The following OXTR variants were observed in gnomAD, a reference collection of about 807,000 sequenced individuals.
OXTR encodes oxytocin receptor.
Under a neutral mutation model 23.9 loss-of-function variants are expected in OXTR, and 19 were observed. The ratio of observed to expected loss-of-function variants is 0.80; its 90% CI spans 0.56 to 1.17. OXTR has a LOEUF of 1.17. OXTR is among the 50% of genes most tolerant of loss of function. OXTR has a pLI of 0.00. For synonymous variants in OXTR, 278 were observed against 250.5 expected (o/e 1.11, Z -1.04); for missense variants, 500 against 550.7 (o/e 0.91, Z 0.92).
chr3:8,745,500 G>C (rs944557927), downstream of OXTR: 1 of 1,588,222 alleles, frequency 6.3e-7, no homozygotes, highest in Non-Finnish European at 8.6e-7. The surrounding 1 kb of genome is among the most constrained non-coding windows in gnomAD (Gnocchi z 4.8). Flanking sequence ...TCTGTGAGTT[G>C]AGGCTTCCCC....
chr3:8,764,502 T>C (rs1057454527), intron 3 of OXTR, among the ~76,000 whole-genome samples: 2 of 152,212 alleles, frequency 1.3e-5, no homozygotes, highest in Admixed American at 1.3e-4. Context: ...GTAGCTCAAG[T>C]GTGGTTCTCT....
downstream of OXTR, among the ~76,000 whole-genome samples, chr3:8,748,047 T>C (rs553903470): frequency 2.2e-4 from 33 of 152,230 alleles, no homozygotes; most frequent in African/African-American, 6.7e-4. Flanking sequence ...GAAAATCACA[T>C]TGGGGTTATG....
chr3:8,768,381 G>A lies in OXTR; in HGVS notation c.-142-52C>T. On this transcript the variant is annotated intron_variant, in intron 2 of 3. Transcript: ENST00000316793. The surrounding 1 kb of genome is among the most constrained non-coding windows in gnomAD (Gnocchi z 5.4). Reference sequence around the variant, plus strand: ...GAGACCGCCGCGTTTCTCTTCCGACGCGGGTAGGGCGTGCTTGTCCCATTC... The same window carrying A: ...GAGACCGCCGCGTTTCTCTTCCGACACGGGTAGGGCGTGCTTGTCCCATTC... 1 of 878,922 alleles carries A rather than the reference G, an allele frequency of 1.1e-6. No individual in the cohort carries two copies. The highest frequency in any genetic ancestry group is 1.5e-6 in the Non-Finnish European group (1 of 674,500). The allele number at this position is 878,922 out of a possible 1,614,324, so 54.4% of individuals were successfully genotyped here.
intron 3 of OXTR, among the ~76,000 whole-genome samples, chr3:8,762,617 G>A (rs553305401): frequency 3.9e-5 from 6 of 152,158 alleles, no homozygotes; most frequent in Non-Finnish European, 4.4e-5. Flanking sequence ...CCCCTCCAAG[G>A]GGCCTGGTCC....
chr3:8,764,203 C>T (rs1184404806), intron 3 of OXTR, among the ~76,000 whole-genome samples: 2 of 139,832 alleles, frequency 1.4e-5, no homozygotes, highest in Non-Finnish European at 3.0e-5. Context: ...CTCTGGCAGC[C>T]TTGATGGGTG....
At chr3:8,746,097 C>T (rs1404643748), downstream of OXTR, 4 of 509,852 alleles carry the variant, frequency 7.8e-6, no homozygotes, top group African/African-American at 3.8e-5. Flanking sequence ...CATGCCTGGG[C>T]GTGGGGGAAG....
chr3:8,742,040 C>T, the OXTR span, among the ~76,000 whole-genome samples: 1 of 152,178 alleles, frequency 6.6e-6, no homozygotes, highest in Non-Finnish European at 1.5e-5. Context: ...CACCACCCTC[C>T]AAGAAAAAGC....
At position 8,768,298 on chromosome 3, in the gene OXTR, G is replaced by C. The variant is rs1258496345; in HGVS notation, c.-111C>G. The C allele has an allele frequency of 1.6e-6, 2 of 1,223,094 alleles. No individual in the cohort carries two copies. Among genetic ancestry groups the C allele is most frequent in the East Asian group, 3.4e-5 (1 of 29,342 alleles). The allele number at this position is 1,223,094 out of a possible 1,614,324, so 75.8% of individuals were successfully genotyped here. A position where few individuals can be genotyped will look rare whatever the true frequency, so the allele number is the denominator to read the frequency against. On this transcript the variant is annotated 5_prime_UTR_variant, in exon 3 of 4. Transcript: ENST00000316793. This position sits in a 1 kb window ranked among gnomAD's most constrained non-coding sequence, Gnocchi z 5.4. ...AGGGGCGCCCGGGGCTCCACTCCTG[G>C]AGACTCCACGGACGGATCTGCTGGG...
rs149333347 is a variant in OXTR at position 8,759,590 on chromosome 3, T to C, written c.923-6366A>G. On this transcript the variant is annotated intron_variant, in intron 3 of 3. Transcript: ENST00000316793. ...AATTTCCCTGCTCAACCACAGGATA[T>C]GGCCTCCCAGTAAGGTGACTGGACT... Among the ~76,000 whole-genome samples, 26 of 152,356 alleles carry C rather than the reference T, an allele frequency of 1.7e-4. No homozygotes were observed. In the East Asian group the frequency reaches 5.0e-3, roughly 29 times the overall value.
At position 8,750,582 on chromosome 3, in the gene OXTR, A is replaced by G. The variant is rs199741107; in HGVS notation, c.*2395T>C. On this transcript the variant is annotated 3_prime_UTR_variant, in exon 4 of 4. Coordinates refer to ENST00000316793, the MANE Select transcript of OXTR (RefSeq NM_000916.4). ...CCCTGGCAAACGCTAATCTATATTC[A>G]CTCTATATAGATTCGTCCATTTTAG... 3.9e-5 allele frequency: 6 copies of G among 152,008 alleles called. No individual in the cohort carries two copies. Among genetic ancestry groups the G allele is most frequent in the South Asian group, 4.2e-4 (2 of 4,800 alleles). 9.4% of individuals were successfully genotyped at this position (152,008 alleles called of 1,614,324 possible).
chr3:8,745,699 C>T (rs1199100373), downstream of OXTR: 1 of 1,614,182 alleles, frequency 6.2e-7, no homozygotes, highest in Non-Finnish European at 8.5e-7. The surrounding 1 kb of genome is among the most constrained non-coding windows in gnomAD (Gnocchi z 4.8). Flanking sequence ...CCTGCATCTC[C>T]TTCTGCCACA....
At chr3:8,749,653 G>A (rs11720238), downstream of OXTR, among the ~76,000 whole-genome samples, 2,983 of 152,196 alleles carry the variant, frequency 0.02, 45 homozygotes, top group Non-Finnish European at 0.03. Flanking sequence ...GACCCTCTTC[G>A]TGCATGTCCC....
downstream of OXTR, chr3:8,745,939 CA>C (rs2124988936): frequency 7.9e-7 from 1 of 1,267,240 alleles, no homozygotes; most frequent in South Asian, 1.3e-5. The surrounding 1 kb of genome is among the most constrained non-coding windows in gnomAD (Gnocchi z 4.8). Flanking sequence ...GACTTCTTCA[CA>C]GGGGCTGCTG....
chr3:8,764,636 G>A (rs1708566463), intron 3 of OXTR, among the ~76,000 whole-genome samples: 1 of 152,168 alleles, frequency 6.6e-6, no homozygotes, highest in South Asian at 2.1e-4. Flanking sequence ...ACACACGGCT[G>A]GTGTTCTAAC....
At chr3:8,758,716 C>T (rs540752110) in intron 3 of OXTR, among the ~76,000 whole-genome samples, 129 of 152,226 alleles carry the variant, frequency 8.5e-4, no homozygotes, top group Non-Finnish European at 1.7e-3. Flanking sequence ...GCCAAACGGG[C>T]GGGCTACAGA....
intron 3 of OXTR, among the ~76,000 whole-genome samples, chr3:8,759,163 T>C (rs1708436795): frequency 1.3e-5 from 2 of 152,358 alleles, no homozygotes; most frequent in Middle Eastern, 6.8e-3. Flanking sequence ...ATAAAGTAAC[T>C]GTCCACCGTT....
chr3:8,745,561 C>T, downstream of OXTR: 1 of 1,614,172 alleles, frequency 6.2e-7, no homozygotes, highest in Non-Finnish European at 8.5e-7. This position sits in a 1 kb window ranked among gnomAD's most constrained non-coding sequence, Gnocchi z 4.8. Context: ...AGCCTGTGGG[C>T]ACCTACAGCT....
At chr3:8,762,624 GT>G (rs1559674826) in intron 3 of OXTR, among the ~76,000 whole-genome samples, 1 of 152,188 alleles carries the variant, frequency 6.6e-6, no homozygotes, top group African/African-American at 2.4e-5. Flanking sequence ...AAGGGGCCTG[GT>G]CCCCCACACC....
chr3:8,753,582 A>G (rs1708314453), intron 3 of OXTR, among the ~76,000 whole-genome samples: 1 of 152,174 alleles, frequency 6.6e-6, no homozygotes, highest in African/African-American at 2.4e-5. Context: ...GAGTGCCTAC[A>G]ACTTCGAGTG....
Sources: gnomAD v4.1 joint callset for allele counts (sites outside exome capture counted in the v4.1 genomes callset) on GRCh38, gnomAD v4.1.1 for gene constraint, Gnocchi (gnomAD v3.1) non-coding constraint, MANE v1.5 for transcripts, NCBI Gene and HGNC (gene_info 2026-07-23, HGNC 2026-07-21) for gene names.